EPB41L4A: variants seen among roughly 807,000 people sequenced by gnomAD.
EPB41L4A encodes erythrocyte membrane protein band 4.1 like 4A.
A neutral mutation model predicts 108.6 loss-of-function variants in EPB41L4A; 100 were observed. The ratio of observed to expected loss-of-function variants is 0.92; its 90% CI spans 0.78 to 1.09. The LOEUF (loss-of-function observed/expected upper bound fraction) is 1.09. EPB41L4A is among the 50% of genes least tolerant of loss of function. The pLI is 0.00. For missense variants in EPB41L4A, 1,030 were observed against 842.7 expected, an observed-to-expected ratio of 1.22 and a Z score of -2.75; for synonymous variants, 319 against 289.0, an observed-to-expected ratio of 1.10 and a Z score of -1.05.
At chr5:112,314,550 A>T (rs150034711) in intron 1 of EPB41L4A, among the ~76,000 whole-genome samples, 3,630 of 143,490 alleles carry the variant, frequency 0.025, 160 homozygotes, top group African/African-American at 0.088. Context: ...AAAAGAAATT[A>T]GCCAAGCATG....
In EPB41L4A at chr5:112,333,013, C is replaced by G. The variant is rs139376069; in HGVS notation, c.100-25523G>C. 1.5e-3 allele frequency among the ~76,000 whole-genome samples: 231 copies of G among 152,276 alleles called. 2 individuals carry two copies. Among genetic ancestry groups the G allele is most frequent in the African/African-American group, 5.3e-3 (219 of 41,546 alleles). On this transcript the variant is annotated intron_variant, in intron 1 of 22. Transcript: ENST00000261486. ...GAAATGGTGGGTATTGATTTATAAG[C>G]ATAAATTGCATTTAAGATATTATAG... is the stretch of plus-strand genomic sequence containing the variant.
chr5:112,284,861 G>C (rs1320498060), intron 2 of EPB41L4A, among the ~76,000 whole-genome samples: 1 of 152,156 alleles, frequency 6.6e-6, no homozygotes, highest in African/African-American at 2.4e-5. Flanking sequence ...GACAGTCCTG[G>C]CTAAATGCCC....
intron 2 of EPB41L4A, 146 bp from the exon 3 acceptor site, chr5:112,280,469 TA>T (rs1317027550): frequency 2.2e-5 from 16 of 712,152 alleles, no homozygotes; most frequent in Non-Finnish European, 3.7e-5. Flanking sequence ...CAAACATACA[TA>T]AGAGTTTTCT....
intron 1 of EPB41L4A, among the ~76,000 whole-genome samples, chr5:112,327,199 A>G (rs1372126874): frequency 2.6e-5 from 4 of 152,224 alleles, no homozygotes; most frequent in Admixed American, 6.5e-5. Context: ...AAGACTCAAA[A>G]TAATGAACAA....
intron 12 of EPB41L4A, chr5:112,228,734 G>C (rs746926316): frequency 8.1e-6 from 8 of 985,320 alleles, no homozygotes; most frequent in African/African-American, 7.0e-5. Context: ...TTGTCAGAGA[G>C]AGGGTTGTAA....
intron 15 of EPB41L4A, 107 bp downstream of exon 15, chr5:112,204,268 T>C: frequency 1.5e-6 from 1 of 677,590 alleles, no homozygotes; most frequent in Non-Finnish European, 2.6e-6. Context: ...CTTGTTATCT[T>C]GGAGAGAAAC....
intron 12 of EPB41L4A, among the ~76,000 whole-genome samples, chr5:112,213,000 G>A (rs1464271078): frequency 1.3e-5 from 2 of 152,126 alleles, no homozygotes; most frequent in Non-Finnish European, 1.5e-5. Context: ...AAGAAAAATT[G>A]CAAACTATGT....
In EPB41L4A at chr5:112,164,922, T is replaced by G. The variant is rs1760138859; in HGVS notation, c.*68A>C. On this transcript the variant is annotated 3_prime_UTR_variant, in exon 23 of 23. Transcript: ENST00000261486. ...CTGAGATTTGAATTAAGATACCTAT[T>G]TCACAGTTTCAAAAGTACCAGTGGC... The G allele has an allele frequency of 2.1e-6, 3 of 1,434,128 alleles. No homozygotes were observed. The highest frequency in any genetic ancestry group is 2.8e-6 in the Non-Finnish European group (3 of 1,076,372). 88.8% of individuals were successfully genotyped at this position (1,434,128 alleles called of 1,614,324 possible).
At chr5:112,153,378 A>T (rs1759538923) in intron 12 of EPB41L4A, among the ~76,000 whole-genome samples, 1 of 144,298 alleles carries the variant, frequency 6.9e-6, no homozygotes, top group Non-Finnish European at 1.5e-5. Flanking sequence ...AAATACAAAA[A>T]ATTAGCCTGG....
At chr5:112,411,064 T>C (rs1172827364) in intron 1 of EPB41L4A, among the ~76,000 whole-genome samples, 1 of 152,160 alleles carries the variant, frequency 6.6e-6, no homozygotes, top group Non-Finnish European at 1.5e-5. Context: ...TGCAATGGTA[T>C]CTCCATAACT....
chr5:112,228,742 T>A, intron 12 of EPB41L4A: 1 of 985,460 alleles, frequency 1.0e-6, no homozygotes. Flanking sequence ...GAGAGGGTTG[T>A]AACAGGAGGG....
In EPB41L4A at chr5:112,183,997, A is replaced by T; in HGVS notation, c.1622+19T>A. ...AAATTCAGTGTTTTTGAATCAAGGT[A>T]TAAAAAGAGTCCACATACGAACGAG... On this transcript the variant is annotated intron_variant, in intron 18 of 22. Transcript: ENST00000261486. The T allele has an allele frequency of 6.2e-7, 1 of 1,613,674 alleles. No homozygotes were observed. Among genetic ancestry groups the T allele is most frequent in the Middle Eastern group, 1.7e-4 (1 of 6,056 alleles).
chr5:112,270,978 C>G (rs910646021), intron 4 of EPB41L4A, among the ~76,000 whole-genome samples: 1 of 152,126 alleles, frequency 6.6e-6, no homozygotes, highest in African/African-American at 2.4e-5. Flanking sequence ...CTTAAAAGTT[C>G]AGGGACATTC....
At chr5:112,316,760 G>T (rs749023651) in intron 1 of EPB41L4A, among the ~76,000 whole-genome samples, 3 of 152,134 alleles carry the variant, frequency 2.0e-5, no homozygotes, top group African/African-American at 4.8e-5. Flanking sequence ...TTTAGCCAGG[G>T]CTCAGAAGAG....
At chr5:112,166,657 ACTC>A in intron 22 of EPB41L4A, among the ~76,000 whole-genome samples, 1 of 152,046 alleles carries the variant, frequency 6.6e-6, no homozygotes. Context: ...TGTAATGCAT[ACTC>A]CTATTTGTTT....
intron 2 of EPB41L4A, among the ~76,000 whole-genome samples, chr5:112,296,710 A>G (rs1754008876): frequency 6.6e-6 from 1 of 152,152 alleles, no homozygotes; most frequent in Non-Finnish European, 1.5e-5. Context: ...CCATCACCCA[A>G]GCAGTATACA....
At chr5:112,414,536 A>G (rs1762593416) in intron 1 of EPB41L4A, among the ~76,000 whole-genome samples, 2 of 152,160 alleles carry the variant, frequency 1.3e-5, no homozygotes, top group African/African-American at 4.8e-5. Flanking sequence ...AAACTCCCAC[A>G]GGGAGTTCAA....
At chr5:112,192,094 G>A (rs568317882) in intron 17 of EPB41L4A, 225 of 152,454 alleles carry the variant, frequency 1.5e-3, no homozygotes, top group African/African-American at 5.2e-3. Flanking sequence ...GAATGAGGCT[G>A]AAGAGACTGC....
At chr5:112,194,872 C>T (rs935432241) in intron 16 of EPB41L4A, among the ~76,000 whole-genome samples, 5 of 152,038 alleles carry the variant, frequency 3.3e-5, no homozygotes, top group Non-Finnish European at 7.4e-5. Flanking sequence ...ATATAAAAAC[C>T]GATTAAGGTG....
Sources: allele counts gnomAD v4.1 joint callset (sites outside exome capture counted in the v4.1 genomes callset), GRCh38; gene constraint gnomAD v4.1.1; transcripts MANE v1.5; gene names NCBI Gene and HGNC (gene_info 2026-07-23, HGNC 2026-07-21).